CCND1: variants seen among roughly 807,000 people sequenced by gnomAD.
CCND1 encodes the protein cyclin D1.
CCND1 carries 9 observed loss-of-function variants against 26.1 expected under a neutral mutation model. The ratio of observed to expected loss-of-function variants is 0.35; its 90% CI spans 0.21 to 0.60. The LOEUF (loss-of-function observed/expected upper bound fraction) is 0.60, where lower values mean the gene tolerates loss of function less well. CCND1 is among the 20% of genes least tolerant of loss of function. The probability of loss-of-function intolerance (pLI) is 0.79; values close to 1 mark genes in which losing one functional copy is unlikely to be tolerated. For synonymous variants in CCND1, 194 were observed against 166.1 expected (o/e 1.17, Z -1.29); for missense variants, 335 against 392.9 (o/e 0.85, Z 1.25).
chr11:69,646,446 G>T (rs888265664), intron 3 of CCND1, among the ~76,000 whole-genome samples: 1 of 152,232 alleles, frequency 6.6e-6, no homozygotes, highest in Non-Finnish European at 1.5e-5. Flanking sequence ...ATGAAGTCTC[G>T]GATGGGCCGC....
chr11:69,648,880 C>T lies in CCND1; in HGVS notation c.723+738C>T, dbSNP rs191459122. Among the ~76,000 whole-genome samples the T allele has an allele frequency of 2.9e-3, 438 of 152,078 alleles. 3 individuals carry two copies. The highest frequency in any genetic ancestry group is 1.0e-2 in the African/African-American group (413 of 41,500). ...CTTGGTGGTCTGCCCTCGAGCCTCC[C>T]GGGGACTCCGCACGGGTCTCAGCAG... On this transcript the variant is annotated intron_variant, in intron 4 of 4. Transcript: ENST00000227507.
At position 69,651,464 on chromosome 11, in the gene CCND1, G is replaced by A. The variant is rs1244371234; in HGVS notation, c.*182G>A. On this transcript the variant is annotated 3_prime_UTR_variant, in exon 5 of 5. Coordinates refer to ENST00000227507, the MANE Select transcript of CCND1 (RefSeq NM_053056.3). Reference sequence around the variant, plus strand: ...CCTTCCATCTCTGACTTAAGCAAAAGAAAAAGATTACCCAAAAACTGTCTT... The same window carrying A: ...CCTTCCATCTCTGACTTAAGCAAAAAAAAAAGATTACCCAAAAACTGTCTT... 10 of 472,582 alleles carry A rather than the reference G, an allele frequency of 2.1e-5. No homozygotes were observed. Among genetic ancestry groups the A allele is most frequent in the Non-Finnish European group, 3.2e-5 (9 of 285,218 alleles). The allele number at this position is 472,582 out of a possible 1,614,324, so 29.3% of individuals were successfully genotyped here.
chr11:69,653,334 GT>G lies in CCND1; in HGVS notation c.*2058del. The G allele has an allele frequency of 1.4e-6, 1 of 701,764 alleles. No individual in the cohort carries two copies. The highest frequency in any genetic ancestry group is 2.6e-6 in the Non-Finnish European group (1 of 384,694). 43.5% of individuals were successfully genotyped at this position (701,764 alleles called of 1,614,324 possible). A position where few individuals can be genotyped will look rare whatever the true frequency, so the allele number is the denominator to read the frequency against. On this transcript the variant is annotated 3_prime_UTR_variant, in exon 5 of 5. Coordinates refer to ENST00000227507, the MANE Select transcript of CCND1 (RefSeq NM_053056.3). ...ATTGTTTGCTGCTATTGGAGGATCAGTTTTTTGTTTTACAATGTCATATACT... is the reference window on the plus strand; with the variant it reads ...ATTGTTTGCTGCTATTGGAGGATCAGTTTTTGTTTTACAATGTCATATACT...
intron 3 of CCND1, among the ~76,000 whole-genome samples, chr11:69,646,902 T>G (rs1474322961): frequency 6.6e-6 from 1 of 152,190 alleles, no homozygotes; most frequent in African/African-American, 2.4e-5. Context: ...GGCAGGCGGA[T>G]GAGCCCAGTA....
intron 1 of CCND1, among the ~76,000 whole-genome samples, chr11:69,642,469 C>T (rs1415757772): frequency 6.6e-6 from 1 of 152,188 alleles, no homozygotes; most frequent in Admixed American, 6.5e-5. Context: ...GGGGCTCCCC[C>T]CGGAGCCTGT....
rs533399976 is a variant in CCND1 at position 69,653,360 on chromosome 11, T to A, written c.*2078T>A. ...TTTTTTGTTTTACAATGTCATATAC[T>A]GCCATGTACTAGTTTTAGTTTTCTC... On this transcript the variant is annotated 3_prime_UTR_variant, in exon 5 of 5. Transcript: ENST00000227507. The A allele has an allele frequency of 2.6e-5, 18 of 700,418 alleles. No individual in the cohort carries two copies. In the Admixed American group the frequency reaches 3.4e-4, roughly 13 times the overall value. The allele number at this position is 700,418 out of a possible 1,614,324, so 43.4% of individuals were successfully genotyped here.
chr11:69,654,137 C>CCA lies in CCND1; in HGVS notation c.*2855_*2856insCA. 2.9e-6 allele frequency: 2 copies of CCA among 682,812 alleles called. No individual in the cohort carries two copies. Among genetic ancestry groups the CCA allele is most frequent in the Admixed American group, 2.0e-5 (1 of 49,218 alleles). 42.3% of individuals were successfully genotyped at this position (682,812 alleles called of 1,614,324 possible). ...ACAGGCCCACCCCGCCCCACCCCTC[C>CCA]AGAACACGGCTCACGCTTACCTCAA... On this transcript the variant is annotated 3_prime_UTR_variant, in exon 5 of 5. Transcript: ENST00000227507. The surrounding 1 kb of genome is among the most constrained non-coding windows in gnomAD (Gnocchi z 6.3).
At position 69,651,303 on chromosome 11, in the gene CCND1, C is replaced by A; in HGVS notation, c.*21C>A. 1 of 1,447,334 alleles carries A rather than the reference C, an allele frequency of 6.9e-7. No homozygotes were observed. Among genetic ancestry groups the A allele is most frequent in the Non-Finnish European group, 9.1e-7 (1 of 1,096,364 alleles). 89.7% of individuals were successfully genotyped at this position (1,447,334 alleles called of 1,614,324 possible). A position where few individuals can be genotyped will look rare whatever the true frequency, so the allele number is the denominator to read the frequency against. On this transcript the variant is annotated 3_prime_UTR_variant, in exon 5 of 5. Transcript: ENST00000227507. ...TCTGAGGGCGCCAGGCAGGCGGGCGCCACCGCCACCCGCAGCGAGGGCGGA... is the reference window on the plus strand; with the variant it reads ...TCTGAGGGCGCCAGGCAGGCGGGCGACACCGCCACCCGCAGCGAGGGCGGA...
At chr11:69,650,987 C>T (rs993923890) in intron 4 of CCND1, 131 bp from the exon 5 acceptor site, 10 of 754,786 alleles carry the variant, frequency 1.3e-5, no homozygotes, top group East Asian at 3.2e-5. Flanking sequence ...CAGCATGGGC[C>T]GAGGGACAGT....
rs563895387 is a variant in CCND1 at position 69,651,965 on chromosome 11, C to T, written c.*683C>T. 4 of 233,058 alleles carry T rather than the reference C, an allele frequency of 1.7e-5. No homozygotes were observed. Among genetic ancestry groups the T allele is most frequent in the East Asian group, 1.2e-4 (2 of 16,552 alleles). The allele number at this position is 233,058 out of a possible 1,614,324, so 14.4% of individuals were successfully genotyped here. A position where few individuals can be genotyped will look rare whatever the true frequency, so the allele number is the denominator to read the frequency against. On this transcript the variant is annotated 3_prime_UTR_variant, in exon 5 of 5. Coordinates refer to ENST00000227507, the MANE Select transcript of CCND1 (RefSeq NM_053056.3). Reference sequence around the variant, plus strand: ...TCACCTCTTGGTTACAGTAGCGTAGCGTGCCCGTGTGCATGTCCTTTGCGC... The same window carrying T: ...TCACCTCTTGGTTACAGTAGCGTAGTGTGCCCGTGTGCATGTCCTTTGCGC...
chr11:69,649,438 C>G (rs896668139), intron 4 of CCND1, among the ~76,000 whole-genome samples: 1 of 152,146 alleles, frequency 6.6e-6, no homozygotes, highest in Non-Finnish European at 1.5e-5. Flanking sequence ...TGAAGTTACC[C>G]GAGGCGGAGT....
chr11:69,647,005 C>T (rs975337984), intron 3 of CCND1, among the ~76,000 whole-genome samples: 5 of 152,128 alleles, frequency 3.3e-5, no homozygotes, highest in African/African-American at 7.2e-5. Context: ...CCCAGATGTG[C>T]GGGACAGTCC....
At chr11:69,649,702 G>A (rs1855830996) in intron 4 of CCND1, among the ~76,000 whole-genome samples, 1 of 152,156 alleles carries the variant, frequency 6.6e-6, no homozygotes, top group South Asian at 2.1e-4. Flanking sequence ...GCAGCTGTGG[G>A]GCCAGAGGAA....
In CCND1 at chr11:69,653,689, C is replaced by T. The variant is rs1460161625; in HGVS notation, c.*2407C>T. ...TTCCCTGCGCCTGTGATGCTGGGCA[C>T]TTCATCTGATCGGGGGCGTAGCATC... On this transcript the variant is annotated 3_prime_UTR_variant, in exon 5 of 5. Coordinates refer to ENST00000227507, the MANE Select transcript of CCND1 (RefSeq NM_053056.3). 3.0e-6 allele frequency: 1 copy of T among 331,304 alleles called. No homozygotes were observed. The highest frequency in any genetic ancestry group is 5.5e-6 in the Non-Finnish European group (1 of 181,012). 20.5% of individuals were successfully genotyped at this position (331,304 alleles called of 1,614,324 possible).
chr11:69,652,779 T>TACACAC lies in CCND1; in HGVS notation c.*1517_*1522dup, dbSNP rs10640302. 4.9e-3 allele frequency: 1,115 copies of TACACAC among 227,476 alleles called. 7 individuals carry two copies. Among genetic ancestry groups the TACACAC allele is most frequent in the African/African-American group, 0.016 (710 of 44,808 alleles). 14.1% of individuals were successfully genotyped at this position (227,476 alleles called of 1,614,324 possible). A position where few individuals can be genotyped will look rare whatever the true frequency, so the allele number is the denominator to read the frequency against. ...TCTCCCCTTGATTTAAACACACAGA[T>TACACAC]ACACACACACACACACACACACACA... On this transcript the variant is annotated 3_prime_UTR_variant, in exon 5 of 5. Transcript: ENST00000227507.
At chr11:69,648,363 C>T (rs762149047) in intron 4 of CCND1, 12 of 563,650 alleles carry the variant, frequency 2.1e-5, no homozygotes, top group South Asian at 4.7e-5. Flanking sequence ...AGCCTTCTCA[C>T]GTCCCCTGGG....
intron 3 of CCND1, among the ~76,000 whole-genome samples, chr11:69,646,133 G>C (rs1033211353): frequency 6.6e-6 from 1 of 152,190 alleles, no homozygotes; most frequent in African/African-American, 2.4e-5. Flanking sequence ...TGGAGACGGG[G>C]GGGTGCACAA....
rs1016682182 is a variant in CCND1 at position 69,652,618 on chromosome 11, G to A, written c.*1336G>A. The A allele has an allele frequency of 4.3e-6, 1 of 233,284 alleles. No homozygotes were observed. Among genetic ancestry groups the A allele is most frequent in the Non-Finnish European group, 8.5e-6 (1 of 118,062 alleles). The allele number at this position is 233,284 out of a possible 1,614,324, so 14.5% of individuals were successfully genotyped here. A position where few individuals can be genotyped will look rare whatever the true frequency, so the allele number is the denominator to read the frequency against. ...CCTCAGAGGTTTACCTAGAGAACAG[G>A]TGGTTTTTAAGGGTTATCTTAGATG... On this transcript the variant is annotated 3_prime_UTR_variant, in exon 5 of 5. Transcript: ENST00000227507.
At chr11:69,647,699 G>A (rs1428192186) in intron 3 of CCND1, among the ~76,000 whole-genome samples, 1 of 152,252 alleles carries the variant, frequency 6.6e-6, no homozygotes, top group African/African-American at 2.4e-5. Flanking sequence ...TGAGAAGGCA[G>A]TGATGTCCCC....
Sources: allele counts gnomAD v4.1 joint callset (sites outside exome capture counted in the v4.1 genomes callset), GRCh38; gene constraint gnomAD v4.1.1; non-coding constraint Gnocchi (gnomAD v3.1); transcripts MANE v1.5; gene names NCBI Gene and HGNC (gene_info 2026-07-23, HGNC 2026-07-21).